Variants in GALNT10 observed in about 807,000 individuals in gnomAD.
GALNT10 encodes the protein polypeptide N-acetylgalactosaminyltransferase 10.
A neutral mutation model predicts 75.0 loss-of-function variants in GALNT10; 41 were observed. That is an observed-to-expected ratio of 0.55 (90% CI 0.43 to 0.71). GALNT10 has a LOEUF of 0.71. Among genes scored for constraint, GALNT10 ranks in the 30% least tolerant of loss-of-function variants. GALNT10 has a pLI of 0.00. For synonymous variants in GALNT10, 302 were observed against 313.0 expected (o/e 0.96, Z 0.37); for missense variants, 727 against 818.5 (o/e 0.89, Z 1.36).
chr5:154,212,701 G>T (rs564194557), intron 1 of GALNT10, among the ~76,000 whole-genome samples: 15 of 152,194 alleles, frequency 9.9e-5, no homozygotes, highest in African/African-American at 3.6e-4. Flanking sequence ...GGGCATGGTG[G>T]CTCATGCCTG....
intron 1 of GALNT10, among the ~76,000 whole-genome samples, chr5:154,237,983 G>T (rs1012017098): frequency 4.6e-5 from 7 of 152,248 alleles, no homozygotes; most frequent in Non-Finnish European, 5.9e-5. Flanking sequence ...TTTTGAGAAG[G>T]CTTTTGGGGC....
At chr5:154,256,614 G>A (rs554738202) in intron 1 of GALNT10, among the ~76,000 whole-genome samples, 1 of 152,198 alleles carries the variant, frequency 6.6e-6, no homozygotes, top group East Asian at 1.9e-4. Flanking sequence ...TCAATATTAG[G>A]AGTAGGCAAT....
chr5:154,403,930 T>C (rs1756218981), intron 7 of GALNT10, 174 bp from the exon 8 acceptor site: 2 of 678,816 alleles, frequency 2.9e-6, no homozygotes, highest in Non-Finnish European at 5.5e-6. Context: ...TGTCAGCTGT[T>C]TTTACCGCTG....
intron 1 of GALNT10, among the ~76,000 whole-genome samples, chr5:154,286,790 C>G (rs1451689411): frequency 6.6e-6 from 1 of 152,198 alleles, no homozygotes; most frequent in East Asian, 1.9e-4. Context: ...ACAACAGACA[C>G]AGCCCCATTG....
chr5:154,398,853 AG>A lies in GALNT10; in HGVS notation c.1057-5250del, dbSNP rs1756100063. Among the ~76,000 whole-genome samples, 3 of 152,310 alleles carry A rather than the reference AG, an allele frequency of 2.0e-5. No individual in the cohort carries two copies. The South Asian group carries it at 6.2e-4, about 32-fold the overall frequency. On this transcript the variant is annotated intron_variant, in intron 7 of 11. Coordinates refer to ENST00000297107, the MANE Select transcript of GALNT10 (RefSeq NM_198321.4). Reference sequence around the variant, plus strand: ...AAAATACTTCCTCTCTTTGCACTTCAGTCTCTCCATTTGGGAAATCAGGCCA... The same window carrying A: ...AAAATACTTCCTCTCTTTGCACTTCATCTCTCCATTTGGGAAATCAGGCCA...
intron 1 of GALNT10, among the ~76,000 whole-genome samples, chr5:154,252,534 A>G (rs1753538957): frequency 6.6e-6 from 1 of 151,944 alleles, no homozygotes; most frequent in Admixed American, 6.6e-5. Context: ...CCATTACACT[A>G]TCTGGTGATA....
At chr5:154,368,834 G>A (rs1755518342) in intron 4 of GALNT10, among the ~76,000 whole-genome samples, 1 of 152,200 alleles carries the variant, frequency 6.6e-6, no homozygotes, top group African/African-American at 2.4e-5. Flanking sequence ...TTTCAAGCAA[G>A]GGAAAGCCTT....
intron 7 of GALNT10, among the ~76,000 whole-genome samples, chr5:154,394,445 T>C (rs1471492658): frequency 6.6e-6 from 1 of 151,762 alleles, no homozygotes; most frequent in African/African-American, 2.4e-5. Context: ...AAGGGTGATA[T>C]TGCAACCTGG....
intron 1 of GALNT10, among the ~76,000 whole-genome samples, chr5:154,273,848 A>C (rs1317249361): frequency 1.3e-5 from 2 of 152,214 alleles, no homozygotes; most frequent in Non-Finnish European, 2.9e-5. Context: ...AACACTTTTC[A>C]CATAATCTTA....
At position 154,409,326 on chromosome 5, in the gene GALNT10, A is replaced by G. The variant is rs1427462716; in HGVS notation, c.1165-215A>G. ...ATGGAAGATGGGCAGGCAAAACAAC[A>G]GCAGCCTATGGGCCAACTATAAGCT... On this transcript the variant is annotated intron_variant, in intron 8 of 11. Transcript: ENST00000297107. The surrounding 1 kb of genome is among the most constrained non-coding windows in gnomAD (Gnocchi z 4.5). The G allele has an allele frequency of 5.1e-6, 3 of 590,486 alleles. No homozygotes were observed. Among genetic ancestry groups the G allele is most frequent in the Admixed American group, 3.0e-5 (1 of 33,378 alleles). 36.6% of individuals were successfully genotyped at this position (590,486 alleles called of 1,614,324 possible). A position where few individuals can be genotyped will look rare whatever the true frequency, so the allele number is the denominator to read the frequency against.
chr5:154,251,833 A>G (rs1753527791), intron 1 of GALNT10, among the ~76,000 whole-genome samples: 1 of 152,140 alleles, frequency 6.6e-6, no homozygotes. Flanking sequence ...GGGCATTAGG[A>G]ATGCTCTTTG....
intron 1 of GALNT10, among the ~76,000 whole-genome samples, chr5:154,214,997 T>C (rs1752843626): frequency 6.6e-6 from 1 of 152,216 alleles, no homozygotes; most frequent in East Asian, 1.9e-4. Flanking sequence ...ACATGCTTTG[T>C]AAATTCCATT....
At chr5:154,382,127 G>A (rs1450556125) in intron 6 of GALNT10, among the ~76,000 whole-genome samples, 1 of 152,226 alleles carries the variant, frequency 6.6e-6, no homozygotes, top group Non-Finnish European at 1.5e-5. Context: ...TGGAAGCTCA[G>A]CCATCTTCAT....
Position 154,329,564 on chromosome 5 carries a change from C to A in GALNT10, c.402-8C>A. On this transcript the variant is annotated splice_region_variant and splice_polypyrimidine_tract_variant and intron_variant, in intron 3 of 11. Coordinates refer to ENST00000297107, the MANE Select transcript of GALNT10 (RefSeq NM_198321.4). ...CTGTCCTCTGCCTCCCCTTATGTTTCCCTCTAGCTGCAACAGCAAGCGCTA... is the reference window on the plus strand; with the variant it reads ...CTGTCCTCTGCCTCCCCTTATGTTTACCTCTAGCTGCAACAGCAAGCGCTA... The A allele has an allele frequency of 6.2e-7, 1 of 1,612,498 alleles. No individual in the cohort carries two copies. Among genetic ancestry groups the A allele is most frequent in the Middle Eastern group, 1.7e-4 (1 of 6,060 alleles).
chr5:154,420,148 GAA>G lies in GALNT10; in HGVS notation c.*3181_*3182del, dbSNP rs1756600288. ...AGAAACTATTGATTCTTCCCTTTAG[GAA>G]AAAATGCTCAGGCAGAACGGGGTAC... is the stretch of plus-strand genomic sequence containing the variant. On this transcript the variant is annotated 3_prime_UTR_variant, in exon 12 of 12. Coordinates refer to ENST00000297107, the MANE Select transcript of GALNT10 (RefSeq NM_198321.4). 6.6e-6 allele frequency: 1 copy of G among 152,272 alleles called. No homozygotes were observed. The highest frequency in any genetic ancestry group is 2.1e-4 in the South Asian group (1 of 4,818). 9.4% of individuals were successfully genotyped at this position (152,272 alleles called of 1,614,324 possible).
chr5:154,205,832 G>A (rs1775099592), intron 1 of GALNT10, among the ~76,000 whole-genome samples: 1 of 152,168 alleles, frequency 6.6e-6, no homozygotes, highest in South Asian at 2.1e-4. Flanking sequence ...TGGAAGAGGA[G>A]GAAGGAAGCA....
intron 1 of GALNT10, among the ~76,000 whole-genome samples, chr5:154,204,690 A>C (rs1047612208): frequency 5.9e-5 from 9 of 152,072 alleles, no homozygotes; most frequent in African/African-American, 2.2e-4. Flanking sequence ...GTTCCTCCTC[A>C]TCTTTTAGGT....
At chr5:154,411,765 TCCAAGAAG>T (rs1379973379) in intron 9 of GALNT10, among the ~76,000 whole-genome samples, 4 of 152,178 alleles carry the variant, frequency 2.6e-5, no homozygotes, top group Non-Finnish European at 4.4e-5. Flanking sequence ...GTTCAAGTCC[TCCAAGAAG>T]CAGATGCCAC....
chr5:154,355,856 T>G (rs1755282756), intron 4 of GALNT10, among the ~76,000 whole-genome samples: 1 of 152,062 alleles, frequency 6.6e-6, no homozygotes, highest in South Asian at 2.1e-4. Context: ...GATACATGAG[T>G]AGGCTAAGGT....
Sources: allele counts gnomAD v4.1 joint callset (sites outside exome capture counted in the v4.1 genomes callset), GRCh38; gene constraint gnomAD v4.1.1; non-coding constraint Gnocchi (gnomAD v3.1); transcripts MANE v1.5; gene names NCBI Gene and HGNC (gene_info 2026-07-23, HGNC 2026-07-21).